Variants in PCYT1A observed in about 807,000 individuals in gnomAD.
PCYT1A encodes the protein choline-phosphate cytidylyltransferase A.
Under a neutral mutation model 43.7 loss-of-function variants are expected in PCYT1A, and 25 were observed. The observed-to-expected ratio is 0.57, with a 90% CI of 0.42 to 0.80. The LOEUF is 0.80. PCYT1A is among the 30% of genes least tolerant of loss of function. The pLI is 0.00. For missense variants in PCYT1A, 421 were observed against 474.2 expected (o/e 0.89, Z 1.04); for synonymous variants, 172 against 170.7 (o/e 1.01, Z -0.06).
At chr3:196,280,338 G>A (rs1725728636) in intron 1 of PCYT1A, among the ~76,000 whole-genome samples, 1 of 152,130 alleles carries the variant, frequency 6.6e-6, no homozygotes, top group African/African-American at 2.4e-5. Context: ...AGAATCTGCA[G>A]GGCACTGGTT....
rs1724827516 is a variant in PCYT1A, at chr3:196,252,263, T to C, written c.218-3940A>G. Reference sequence around the variant, plus strand: ...AGTTGTATTTTTATTTATTTATTTATTTGAGATGGAGTCTTGCTCTGTTGC... The same window carrying C: ...AGTTGTATTTTTATTTATTTATTTACTTGAGATGGAGTCTTGCTCTGTTGC... On this transcript the variant is annotated intron_variant, in intron 3 of 8. Coordinates refer to ENST00000431016, the MANE Select transcript of PCYT1A (RefSeq NM_001312673.2). The surrounding 1 kb of genome is among the most constrained non-coding windows in gnomAD (Gnocchi z 4.0). 6.6e-6 allele frequency among the ~76,000 whole-genome samples: 1 copy of C among 152,290 alleles called. No homozygotes were observed. Among genetic ancestry groups the C allele is most frequent in the Non-Finnish European group, 1.5e-5 (1 of 68,020 alleles).
At position 196,242,591 on chromosome 3, in the gene PCYT1A, T is replaced by A. The variant is rs777529998; in HGVS notation, c.536A>T (p.Asp179Val). 6 of 1,612,166 alleles carry A rather than the reference T, an allele frequency of 3.7e-6. No individual in the cohort carries two copies. The highest frequency in any genetic ancestry group is 5.1e-6 in the Non-Finnish European group (6 of 1,178,322). Residue 179 changes from aspartate (D) to valine (V), a missense_variant, in exon 6 of 9, where the codon GAT (aspartate) becomes GTT (valine). Physicochemically the swap from Asp to Val is radical, Grantham distance 152. This residue lies in a region of PCYT1A where 174 missense variants were observed against 270.7 expected (regional missense o/e 0.64). Transcript: ENST00000431016. The surrounding 1 kb of genome is among the most constrained non-coding windows in gnomAD (Gnocchi z 4.2). ...DDIPYSSAGS[D>V]DVYKHIKEAG... ...CTCCTTGATGTGCTTATAAACATCATCACTGCCAGCAGATGAATAAGGAAT... is the reference window on the plus strand; with the variant it reads ...CTCCTTGATGTGCTTATAAACATCAACACTGCCAGCAGATGAATAAGGAAT...
At position 196,252,319 on chromosome 3, in the gene PCYT1A, C is replaced by T. The variant is rs1037595291; in HGVS notation, c.218-3996G>A. Among the ~76,000 whole-genome samples, 1 of 152,072 alleles carries T rather than the reference C, an allele frequency of 6.6e-6. No homozygotes were observed. The highest frequency in any genetic ancestry group is 2.4e-5 in the African/African-American group (1 of 41,390). ...CTGGAGTGTGGTGACATGATCTAGG[C>T]TCACTGCAACCTCTGCCTCCTGGGT... On this transcript the variant is annotated intron_variant, in intron 3 of 8. Coordinates refer to ENST00000431016, the MANE Select transcript of PCYT1A (RefSeq NM_001312673.2). The surrounding 1 kb of genome is among the most constrained non-coding windows in gnomAD (Gnocchi z 4.0).
chr3:196,254,802 T>C (rs1018909174), intron 3 of PCYT1A, among the ~76,000 whole-genome samples: 2 of 152,182 alleles, frequency 1.3e-5, no homozygotes, highest in African/African-American at 4.8e-5. Context: ...GAAACCTGGG[T>C]TTCAGTTAAT....
intron 5 of PCYT1A, chr3:196,243,100 G>A (rs1243084786): frequency 3.0e-5 from 5 of 163,982 alleles, no homozygotes. Context: ...GGCCAAGGCG[G>A]GCAGATCACG....
At chr3:196,253,442 C>T (rs947837087) in intron 3 of PCYT1A, among the ~76,000 whole-genome samples, 1 of 151,994 alleles carries the variant, frequency 6.6e-6, no homozygotes, top group Non-Finnish European at 1.5e-5. Context: ...TCACACTATT[C>T]GATCCTGAAA....
chr3:196,241,763 G>A, intron 7 of PCYT1A, 185 bp downstream of exon 7: 5 of 1,194,064 alleles, frequency 4.2e-6, no homozygotes, highest in Non-Finnish European at 4.8e-6. Flanking sequence ...GTTGGTACCA[G>A]ACCGTAACGG....
chr3:196,286,783 G>A (rs1725925392), intron 1 of PCYT1A, among the ~76,000 whole-genome samples: 1 of 152,158 alleles, frequency 6.6e-6, no homozygotes, highest in East Asian at 1.9e-4. Flanking sequence ...GCGTGGTGGC[G>A]CATGCCTGTA....
In PCYT1A at chr3:196,245,062, G is replaced by T. The variant is rs549119536; in HGVS notation, c.486+2305C>A. ...CTATGACCCTGCCAAATCCCCCTCTGCGAGAAACACCCAAGAATGATCAAT... is the reference window on the plus strand; with the variant it reads ...CTATGACCCTGCCAAATCCCCCTCTTCGAGAAACACCCAAGAATGATCAAT... On this transcript the variant is annotated intron_variant, in intron 5 of 8. Transcript: ENST00000431016. Among the ~76,000 whole-genome samples the T allele has an allele frequency of 1.7e-4, 25 of 151,110 alleles. No individual in the cohort carries two copies. The South Asian group carries it at 5.0e-3, about 30-fold the overall frequency.
intron 3 of PCYT1A, among the ~76,000 whole-genome samples, chr3:196,256,256 C>A (rs1170938883): frequency 6.6e-6 from 1 of 152,180 alleles, no homozygotes; most frequent in African/African-American, 2.4e-5. Context: ...CTTTGGGAGG[C>A]TGAGGTGGGT....
chr3:196,240,204 C>A (rs1287015721), intron 7 of PCYT1A, among the ~76,000 whole-genome samples: 3 of 151,884 alleles, frequency 2.0e-5, no homozygotes, highest in African/African-American at 7.3e-5. Context: ...GGATTTTTCC[C>A]CTCTATCACT....
rs375120727 is a variant in PCYT1A, at chr3:196,244,784, A to T, written c.487-2144T>A. On this transcript the variant is annotated intron_variant, in intron 5 of 8. Coordinates refer to ENST00000431016, the MANE Select transcript of PCYT1A (RefSeq NM_001312673.2). ...TGCCTTGGGATCCTGTTGATCTGTG[A>T]CCTTACCCCCAACCCTGTGCTCTCT... Among the ~76,000 whole-genome samples the T allele has an allele frequency of 1.6e-4, 24 of 152,302 alleles. No individual in the cohort carries two copies. The East Asian group carries it at 1.7e-3, about 11-fold the overall frequency.
At chr3:196,263,784 C>T (rs997039746) in intron 2 of PCYT1A, among the ~76,000 whole-genome samples, 3 of 152,086 alleles carry the variant, frequency 2.0e-5, no homozygotes, top group Non-Finnish European at 2.9e-5. Context: ...AGGCACCCAC[C>T]ACCACGCCCG....
At chr3:196,274,038 G>A (rs1406165880) in intron 1 of PCYT1A, among the ~76,000 whole-genome samples, 1 of 152,260 alleles carries the variant, frequency 6.6e-6, no homozygotes, top group African/African-American at 2.4e-5. Flanking sequence ...AATCCAGAGG[G>A]GGCCAAGGCA....
At chr3:196,259,385 C>G (rs1164964900) in intron 2 of PCYT1A, among the ~76,000 whole-genome samples, 1 of 152,084 alleles carries the variant, frequency 6.6e-6, no homozygotes, top group Admixed American at 6.6e-5. Context: ...CCCTTATAAT[C>G]CTTCTAATTT....
Position 196,242,961 on chromosome 3 carries a change from G to A in PCYT1A, c.487-321C>T. The A allele has an allele frequency of 3.1e-6, 1 of 318,248 alleles. No homozygotes were observed. 19.7% of individuals were successfully genotyped at this position (318,248 alleles called of 1,614,324 possible). A position where few individuals can be genotyped will look rare whatever the true frequency, so the allele number is the denominator to read the frequency against. ...AGGGTTTGCTGGTGAACCGGTTAGT[G>A]GGTGGAGCCTAGGAAAGAAGGAAAT... is the stretch of plus-strand genomic sequence containing the variant. On this transcript the variant is annotated intron_variant, in intron 5 of 8. Transcript: ENST00000431016. This position sits in a 1 kb window ranked among gnomAD's most constrained non-coding sequence, Gnocchi z 4.2.
intron 1 of PCYT1A, among the ~76,000 whole-genome samples, chr3:196,283,128 T>A (rs1454720928): frequency 1.3e-5 from 2 of 152,128 alleles, no homozygotes; most frequent in Non-Finnish European, 2.9e-5. Flanking sequence ...ACTTGAGGTC[T>A]GGAGTTTAAG....
rs1243780999 is a variant in PCYT1A at position 196,247,395 on chromosome 3, A to C, written c.458T>G (p.Leu153Arg). Residue 153 changes from leucine (L) to arginine (R), a missense_variant, in exon 5 of 9, where the codon CTG becomes CGG. By Grantham distance (102) the Leu-to-Arg change is moderately radical. Coordinates refer to ENST00000431016, the MANE Select transcript of PCYT1A (RefSeq NM_001312673.2). This position sits in a 1 kb window ranked among gnomAD's most constrained non-coding sequence, Gnocchi z 4.8. Reference sequence around the variant, plus strand: ...GTGTTCGGCCAGGAACTCGGGTGTCAGCGTCCAGGGCGCATTCCTCACCAC... The same window carrying C: ...GTGTTCGGCCAGGAACTCGGGTGTCCGCGTCCAGGGCGCATTCCTCACCAC... ...DEVVRNAPWT[L>R]TPEFLAEHRI... 6.2e-7 allele frequency: 1 copy of C among 1,614,104 alleles called. No homozygotes were observed. The highest frequency in any genetic ancestry group is 1.1e-5 in the South Asian group (1 of 91,092).
At chr3:196,250,224 C>T (rs1724708440) in intron 3 of PCYT1A, among the ~76,000 whole-genome samples, 1 of 146,358 alleles carries the variant, frequency 6.8e-6, no homozygotes, top group African/African-American at 2.5e-5. Flanking sequence ...GTACACCATG[C>T]CGAGGCTGAG....
Sources: gnomAD v4.1 joint callset for allele counts (sites outside exome capture counted in the v4.1 genomes callset) on GRCh38, gnomAD v4.1.1 for gene constraint, gnomAD v4.1.1 regional missense constraint, Gnocchi (gnomAD v3.1) non-coding constraint, MANE v1.5 for transcripts, NCBI Gene and HGNC (gene_info 2026-07-23, HGNC 2026-07-21) for gene names.